HBD: variants seen among roughly 807,000 people sequenced by gnomAD.
The protein encoded by HBD is delta globin.
In HBD, 11 loss-of-function variants were observed where a neutral mutation model predicts 9.2. The observed-to-expected ratio is 1.20, with a 90% CI of 0.76 to 1.99. HBD has a LOEUF of 1.99. Ranked by LOEUF, HBD falls within the 30% of genes most tolerant of loss-of-function variation. The probability of loss-of-function intolerance (pLI) is 0.00; values close to 1 mark genes in which losing one functional copy is unlikely to be tolerated. For synonymous variants in HBD, 83 were observed against 69.4 expected (o/e 1.20, Z -0.98); for missense variants, 189 against 174.3 (o/e 1.08, Z -0.47).
At chr11:5,233,182 T>C (rs1286473707) in intron 2 of HBD, 90 bp from the exon 3 acceptor site, 5 of 1,382,880 alleles carry the variant, frequency 3.6e-6, no homozygotes, top group Non-Finnish European at 4.1e-6. Flanking sequence ...CCCATTTTTT[T>C]CTGCCCAAAT....
At position 5,232,881 on chromosome 11, in the gene HBD, G is replaced by A; in HGVS notation, c.*83C>T. 6.2e-7 allele frequency: 1 copy of A among 1,612,422 alleles called. No individual in the cohort carries two copies. The highest frequency in any genetic ancestry group is 8.5e-7 in the Non-Finnish European group (1 of 1,178,450). On this transcript the variant is annotated 3_prime_UTR_variant, in exon 3 of 3. Transcript: ENST00000650601. ...ATTAGGCAGAAGCCATACCCTTGAAGTAGGCATTGTGTTCCCAAGTTCAGA... is the reference window on the plus strand; with the variant it reads ...ATTAGGCAGAAGCCATACCCTTGAAATAGGCATTGTGTTCCCAAGTTCAGA...
rs747164859 is a variant in HBD, at chr11:5,234,172, G to T, written c.134C>A (p.Ser45Tyr). Residue 45 changes from serine (S) to tyrosine (Y), a missense_variant, in exon 2 of 3, where the codon TCC becomes TAC. Transcript: ENST00000650601. ...VYPWTQRFFE[S>Y]FGDLSSPDAV... ...ATCAGGAGAGGACAGATCCCCAAAG[G>T]ACTCAAAGAACCTCTGGGTCCAAGG... 6 of 1,614,086 alleles carry T rather than the reference G, an allele frequency of 3.7e-6. No homozygotes were observed. The East Asian group carries it at 1.1e-4, about 30-fold the overall frequency.
chr11:5,233,858 CA>C (rs1193722698), intron 2 of HBD, 132 bp downstream of exon 2: 3 of 738,788 alleles, frequency 4.1e-6, no homozygotes, highest in Non-Finnish European at 6.8e-6. Flanking sequence ...AAAAAATTAA[CA>C]AAATTTTAGA....
In HBD at chr11:5,233,007, A is replaced by G. The variant is rs34802738; in HGVS notation, c.401T>C (p.Val134Ala). Residue 134 changes from valine (V) to alanine (A), a missense_variant, in exon 3 of 3, where the codon GTG becomes GCG. Coordinates refer to ENST00000650601, the MANE Select transcript of HBD (RefSeq NM_000519.4). ...CAGGGCATTAGCCACACCAGCCACC[A>G]CCTTCTGATAGGCAGCCTGCATTTG... ...TPQMQAAYQKVVAGVANALAH... is the reference protein window; with the variant it reads ...TPQMQAAYQKAVAGVANALAH... 6 of 1,614,056 alleles carry G rather than the reference A, an allele frequency of 3.7e-6. No individual in the cohort carries two copies. In the East Asian group the frequency reaches 1.3e-4, roughly 36 times the overall value.
intron 1 of HBD, 24 bp from the exon 2 acceptor site, chr11:5,234,237 G>A: frequency 1.9e-6 from 3 of 1,607,720 alleles, no homozygotes; most frequent in Non-Finnish European, 8.5e-7. Flanking sequence ...AACAGCCCAA[G>A]GGACAGAGAG....
Position 5,234,413 on chromosome 11 carries a change from C to A in HBD, c.21G>T (p.Glu7Asp), listed in dbSNP as rs774077053. The change falls in exon 1 of 3, where the codon GAG becomes GAT. Residue 7 changes from glutamate (E) to aspartate (D), a missense_variant. Physicochemically the swap from Glu to Asp is conservative, Grantham distance 45. Transcript: ENST00000650601. ...ACAGGGCATTGACAGCAGTCTTCTC[C>A]TCAGGAGTCAGATGCACCATGGTGT... MVHLTP[E>D]EKTAVNALWG... is the part of the protein sequence containing the mutation. 4 of 1,613,520 alleles carry A rather than the reference C, an allele frequency of 2.5e-6. No individual in the cohort carries two copies. In the African/African-American group the frequency reaches 5.3e-5, roughly 22 times the overall value.
At chr11:5,233,115 T>C (rs754605506) in intron 2 of HBD, 23 bp from the exon 3 acceptor site, 67 of 1,613,464 alleles carry the variant, frequency 4.2e-5, no homozygotes, top group Middle Eastern at 3.3e-4. Context: ...GGTAGGCAGA[T>C]ACATGCATAT....
chr11:5,233,119 T>A, intron 2 of HBD, 27 bp from the exon 3 acceptor site: 1 of 1,613,332 alleles, frequency 6.2e-7, no homozygotes, highest in Non-Finnish European at 8.5e-7. Context: ...GGCAGATACA[T>A]GCATATGGTT....
At position 5,234,329 on chromosome 11, in the gene HBD, C is replaced by A. The variant is rs773095083; in HGVS notation, c.92+13G>T. The A allele has an allele frequency of 1.4e-5, 23 of 1,612,468 alleles. No individual in the cohort carries two copies. In the Admixed American group the frequency reaches 3.7e-4, roughly 26 times the overall value. On this transcript the variant is annotated intron_variant, in intron 1 of 2. Transcript: ENST00000650601. ...TTGCCTCCTTGAGCCTCTCTTATAA[C>A]CTTGATACCAACCTGCCCAGGGCCT...
In HBD at chr11:5,232,872, AC is replaced by A; in HGVS notation, c.*91del. ...ACATTCTTTATTAGGCAGAAGCCAT[AC>A]CCTTGAAGTAGGCATTGTGTTCCCA... is the stretch of plus-strand genomic sequence containing the variant. On this transcript the variant is annotated 3_prime_UTR_variant, in exon 3 of 3. Coordinates refer to ENST00000650601, the MANE Select transcript of HBD (RefSeq NM_000519.4). 1 of 1,612,738 alleles carries A rather than the reference AC, an allele frequency of 6.2e-7. No homozygotes were observed. The highest frequency in any genetic ancestry group is 1.7e-4 in the Middle Eastern group (1 of 6,060).
Position 5,233,093 on chromosome 11 carries a change from CT to C in HBD, c.316-2del, listed in dbSNP as rs1161125510. On this transcript the variant is annotated splice_acceptor_variant, in intron 2 of 2. Coordinates refer to ENST00000650601, the MANE Select transcript of HBD (RefSeq NM_000519.4). LOFTEE classifies it high-confidence loss of function. Reference sequence around the variant, plus strand: ...CACACACCAGCACATTGCCCAAGAGCTGCGGAGAAGAGGTAGGCAGATACAT... The same window carrying C: ...CACACACCAGCACATTGCCCAAGAGCGCGGAGAAGAGGTAGGCAGATACAT... 1.2e-6 allele frequency: 2 copies of C among 1,613,910 alleles called. No homozygotes were observed. The highest frequency in any genetic ancestry group is 1.7e-6 in the Non-Finnish European group (2 of 1,179,930).
chr11:5,233,058 C>T lies in HBD; in HGVS notation c.350G>A (p.Arg117His), dbSNP rs34536353. 44 of 1,613,828 alleles carry T rather than the reference C, an allele frequency of 2.7e-5. No individual in the cohort carries two copies. Among genetic ancestry groups the T allele is most frequent in the South Asian group, 1.4e-4 (13 of 91,078 alleles). Residue 117 changes from arginine to histidine, a missense_variant, in exon 3 of 3, where the codon CGC becomes CAC. By Grantham distance (29) the Arg-to-His change is conservative (BLOSUM62 0). Coordinates refer to ENST00000650601, the MANE Select transcript of HBD (RefSeq NM_000519.4). Reference sequence around the variant, plus strand: ...TGGGGTGAATTCCTTGCCAAAGTTGCGGGCCAGCACACACACCAGCACATT... The same window carrying T: ...TGGGGTGAATTCCTTGCCAAAGTTGTGGGCCAGCACACACACCAGCACATT... ...LGNVLVCVLA[R>H]NFGKEFTPQM...
chr11:5,234,116 G>A lies in HBD; in HGVS notation c.190C>T (p.His64Tyr). The A allele has an allele frequency of 6.2e-7, 1 of 1,614,032 alleles. No individual in the cohort carries two copies. The highest frequency in any genetic ancestry group is 8.5e-7 in the Non-Finnish European group (1 of 1,179,978). Residue 64 changes from histidine to tyrosine, a missense_variant, in exon 2 of 3, where the codon CAT becomes TAT. Coordinates refer to ENST00000650601, the MANE Select transcript of HBD (RefSeq NM_000519.4). ...AVMGNPKVKA[H>Y]GKKVLGAFSD... ...AAGGCACCTAGCACCTTCTTGCCATGAGCCTTCACCTTAGGGTTGCCCATA... is the reference window on the plus strand; with the variant it reads ...AAGGCACCTAGCACCTTCTTGCCATAAGCCTTCACCTTAGGGTTGCCCATA...
Position 5,233,038 on chromosome 11 carries a change from T to C in HBD, c.370A>G (p.Thr124Ala), listed in dbSNP as rs553440422. The stretch of plus-strand genomic sequence containing the variant: ...TGATAGGCAGCCTGCATTTGTGGGG[T>C]GAATTCCTTGCCAAAGTTGCGGGCC... ...VLARNFGKEF[T>A]PQMQAAYQKV... Residue 124 changes from threonine (T) to alanine (A), a missense_variant, in exon 3 of 3, where the codon ACC (threonine) becomes GCC (alanine). Physicochemically the swap from Thr to Ala is moderately conservative, Grantham distance 58 (BLOSUM62 0). Coordinates refer to ENST00000650601, the MANE Select transcript of HBD (RefSeq NM_000519.4). 8.1e-6 allele frequency: 13 copies of C among 1,613,964 alleles called. No homozygotes were observed. In the South Asian group the frequency reaches 1.2e-4, roughly 15 times the overall value.
rs1589897475 is a variant in HBD, at chr11:5,233,936, C to A, written c.315+55G>T. ...GAGAAGAGCAGGTAGGTAAAAGAAC[C>A]AAAATGTAAGATTAGAAAGTAAAAA... On this transcript the variant is annotated intron_variant, in intron 2 of 2. Coordinates refer to ENST00000650601, the MANE Select transcript of HBD (RefSeq NM_000519.4). The A allele has an allele frequency of 1.0e-5, 16 of 1,541,876 alleles. No individual in the cohort carries two copies. In the East Asian group the frequency reaches 1.1e-4, roughly 11 times the overall value.
At chr11:5,233,903 A>G (rs1166498830) in intron 2 of HBD, 88 bp downstream of exon 2, 32 of 1,101,594 alleles carry the variant, frequency 2.9e-5, no homozygotes, top group Non-Finnish European at 4.0e-5. Flanking sequence ...AAAATGACAA[A>G]AATGTGGGAG....
Position 5,234,209 on chromosome 11 carries a change from G to A in HBD, c.97C>T (p.Leu33=), listed in dbSNP as rs746437742. Residue 33 remains leucine (L), a synonymous_variant, in exon 2 of 3, where the codon CTG becomes TTG. Transcript: ENST00000650601. ...AVGGEALGRL[L]VVYPWTQRFF... Reference sequence around the variant, plus strand: ...CTCTGGGTCCAAGGGTAGACCACCAGTAATCTGAGGGTAGGAAAACAGCCC... The same window carrying A: ...CTCTGGGTCCAAGGGTAGACCACCAATAATCTGAGGGTAGGAAAACAGCCC... The A allele has an allele frequency of 5.6e-6, 9 of 1,613,778 alleles. No homozygotes were observed. The highest frequency in any genetic ancestry group is 1.6e-4 in the Middle Eastern group (1 of 6,062).
chr11:5,233,129 T>G (rs1441449554), intron 2 of HBD, 37 bp from the exon 3 acceptor site: 2 of 1,612,668 alleles, frequency 1.2e-6, no homozygotes, highest in Non-Finnish European at 1.7e-6. Context: ...TGCATATGGT[T>G]AACAGAGAAA....
chr11:5,233,034 G>C lies in HBD; in HGVS notation c.374C>G (p.Pro125Arg). Reference sequence around the variant, plus strand: ...CTTCTGATAGGCAGCCTGCATTTGTGGGGTGAATTCCTTGCCAAAGTTGCG... The same window carrying C: ...CTTCTGATAGGCAGCCTGCATTTGTCGGGTGAATTCCTTGCCAAAGTTGCG... ...LARNFGKEFT[P>R]QMQAAYQKVV... The change falls in exon 3 of 3, where the codon CCA becomes CGA. Residue 125 changes from proline (P) to arginine (R), a missense_variant. Physicochemically the swap from Pro to Arg is moderately radical, Grantham distance 103 (BLOSUM62 -2). Coordinates refer to ENST00000650601, the MANE Select transcript of HBD (RefSeq NM_000519.4). 1.2e-6 allele frequency: 2 copies of C among 1,614,046 alleles called. No individual in the cohort carries two copies. Among genetic ancestry groups the C allele is most frequent in the Non-Finnish European group, 1.7e-6 (2 of 1,179,942 alleles).
Sources: allele counts gnomAD v4.1 joint callset, GRCh38; gene constraint gnomAD v4.1.1; transcripts MANE v1.5; gene names NCBI Gene and HGNC (gene_info 2026-07-23, HGNC 2026-07-21).